GPR155: variants seen among roughly 807,000 people sequenced by gnomAD.
GPR155 encodes G protein-coupled receptor 155.
GPR155 carries 65 observed loss-of-function variants against 93.1 expected under a neutral mutation model. The observed-to-expected ratio is 0.70, with a 90% CI of 0.57 to 0.86. GPR155 has a LOEUF of 0.86. Ranked by LOEUF, GPR155 falls within the 40% of genes least tolerant of loss-of-function variation. The probability of loss-of-function intolerance (pLI) is 0.00; values close to 1 mark genes in which losing one functional copy is unlikely to be tolerated. For synonymous variants in GPR155, 319 were observed against 360.1 expected (o/e 0.89, Z 1.29); for missense variants, 838 against 1,034.8 (o/e 0.81, Z 2.61).
Position 174,481,609 on chromosome 2 carries a change from A to G in GPR155, c.348T>C (p.Ile116=), listed in dbSNP as rs536731885. The change falls in exon 2 of 16, where the codon ATT becomes ATC. Residue 116 remains isoleucine (I), a synonymous_variant. Transcript: ENST00000392552. ...CAACCAATAAGGTTAATACACATAC[A>G]ATGAAAAATACAGAAGCTTTGGCAA... ...ILIAKASVFF[I]VCVLTLLVAS... 3 of 1,613,658 alleles carry G rather than the reference A, an allele frequency of 1.9e-6. No individual in the cohort carries two copies. Among genetic ancestry groups the G allele is most frequent in the Non-Finnish European group, 2.5e-6 (3 of 1,179,578 alleles).
At chr2:174,484,738 C>T (rs1688425060) in intron 1 of GPR155, among the ~76,000 whole-genome samples, 1 of 152,206 alleles carries the variant, frequency 6.6e-6, no homozygotes, top group South Asian at 2.1e-4. Flanking sequence ...TCAGACCAGC[C>T]TGGCCAACAT....
chr2:174,457,194 C>A (rs1276070498), intron 10 of GPR155, among the ~76,000 whole-genome samples: 2 of 152,134 alleles, frequency 1.3e-5, no homozygotes, highest in African/African-American at 2.4e-5. Flanking sequence ...CACCTGTAGA[C>A]CCGGCTACTT....
At chr2:174,446,580 G>T (rs972580801) in intron 12 of GPR155, 31 bp downstream of exon 12, 27 of 1,577,568 alleles carry the variant, frequency 1.7e-5, no homozygotes, top group Non-Finnish European at 2.2e-5. Flanking sequence ...TAAAGAAATG[G>T]CCCCAAAACA....
At position 174,433,261 on chromosome 2, in the gene GPR155, T is replaced by G. The variant is rs1574683738; in HGVS notation, c.*2855A>C. 1.3e-5 allele frequency: 2 copies of G among 152,206 alleles called. No homozygotes were observed. The highest frequency in any genetic ancestry group is 2.9e-5 in the Non-Finnish European group (2 of 68,038). 9.4% of individuals were successfully genotyped at this position (152,206 alleles called of 1,614,324 possible). ...TGCTCAAAGGTCATCTAAATAGATC[T>G]CTTTAATTTACTGAAGATAAAGTTT... On this transcript the variant is annotated 3_prime_UTR_variant, in exon 16 of 16. Coordinates refer to ENST00000392552, the MANE Select transcript of GPR155 (RefSeq NM_152529.7).
At chr2:174,438,401 T>C (rs890967057) in intron 15 of GPR155, among the ~76,000 whole-genome samples, 1 of 152,170 alleles carries the variant, frequency 6.6e-6, no homozygotes, top group Non-Finnish European at 1.5e-5. Flanking sequence ...GCCCTGCAAA[T>C]TGCAAAAGCT....
At chr2:174,447,503 TATAATC>T (rs1687175108) in intron 11 of GPR155, among the ~76,000 whole-genome samples, 1 of 146,134 alleles carries the variant, frequency 6.8e-6, no homozygotes, top group African/African-American at 2.5e-5. Flanking sequence ...CAGTATATAT[TATAATC>T]ATATAAATTT....
Position 174,453,740 on chromosome 2 carries a change from T to C in GPR155, c.1873A>G (p.Lys625Glu). 1 of 1,586,352 alleles carries C rather than the reference T, an allele frequency of 6.3e-7. No homozygotes were observed. Among genetic ancestry groups the C allele is most frequent in the Non-Finnish European group, 8.7e-7 (1 of 1,154,798 alleles). The change falls in exon 11 of 16, where the codon AAA becomes GAA. Residue 625 changes from lysine to glutamate, a missense_variant. Transcript: ENST00000392552. ...TSEPVIPSFEKNNHCVSRCNS... is the reference protein window; with the variant it reads ...TSEPVIPSFEENNHCVSRCNS... ...CTCATAGTCCAGAGGCACTTACTTT[T>C]CTCAAACGAAGGAATCACAGGCTCA...
At chr2:174,467,270 C>A (rs576067215) in intron 5 of GPR155, among the ~76,000 whole-genome samples, 1 of 152,204 alleles carries the variant, frequency 6.6e-6, no homozygotes, top group African/African-American at 2.4e-5. Flanking sequence ...GAGGCCCAGA[C>A]AGGCGGATCA....
At chr2:174,452,750 A>G (rs1446442518) in intron 11 of GPR155, among the ~76,000 whole-genome samples, 2 of 152,012 alleles carry the variant, frequency 1.3e-5, no homozygotes, top group South Asian at 2.1e-4. Context: ...TGTTCAAGCA[A>G]TTCTCCTGCC....
chr2:174,441,868 G>A (rs986358912), intron 14 of GPR155, among the ~76,000 whole-genome samples: 17 of 151,872 alleles, frequency 1.1e-4, no homozygotes, highest in Admixed American at 9.9e-4. Context: ...TCAACCTCCT[G>A]AGTAGCTGGG....
intron 15 of GPR155, 119 bp downstream of exon 15, chr2:174,439,779 A>T: frequency 1.3e-6 from 1 of 758,914 alleles, no homozygotes; most frequent in South Asian, 1.8e-5. Context: ...TTACATGCAT[A>T]TGTAAAAATA....
At chr2:174,470,893 T>C (rs1187155148) in intron 3 of GPR155, among the ~76,000 whole-genome samples, 1 of 152,150 alleles carries the variant, frequency 6.6e-6, no homozygotes, top group Non-Finnish European at 1.5e-5. Context: ...CCTCTATCAG[T>C]TTACTGAAAT....
At chr2:174,454,705 A>T (rs1360792527) in intron 10 of GPR155, among the ~76,000 whole-genome samples, 2 of 141,634 alleles carry the variant, frequency 1.4e-5, no homozygotes, top group Non-Finnish European at 3.0e-5. Flanking sequence ...GAAAGGAAGG[A>T]AAGGAAAGGA....
At chr2:174,462,018 C>T (rs1042012605) in intron 7 of GPR155, among the ~76,000 whole-genome samples, 1 of 152,160 alleles carries the variant, frequency 6.6e-6, no homozygotes, top group African/African-American at 2.4e-5. Context: ...TCCCTGCAGC[C>T]TTGACCTCCA....
At chr2:174,475,991 G>A (rs1688157726) in intron 2 of GPR155, among the ~76,000 whole-genome samples, 1 of 152,096 alleles carries the variant, frequency 6.6e-6, no homozygotes, top group South Asian at 2.1e-4. Flanking sequence ...TGGCACACTA[G>A]CATTTAATCA....
intron 7 of GPR155, among the ~76,000 whole-genome samples, chr2:174,462,600 T>C (rs1259863947): frequency 1.3e-5 from 2 of 152,240 alleles, no homozygotes; most frequent in Non-Finnish European, 2.9e-5. Flanking sequence ...TAAGCCATTA[T>C]GCCCAGCTGA....
Position 174,442,149 on chromosome 2 carries a change from TTATC to T in GPR155, c.2140_2143del (p.Asp714AsnfsTer3), listed in dbSNP as rs1398008257. ...TTTGAAAGGCAGGATGATTAAATGT[TTATC>T]TAATCCAAAGATTCCAAAGGAAATA... On this transcript the variant is annotated frameshift_variant, in exon 14 of 16. Coordinates refer to ENST00000392552, the MANE Select transcript of GPR155 (RefSeq NM_152529.7). LOFTEE classifies it high-confidence loss of function. The T allele has an allele frequency of 7.2e-7, 1 of 1,397,226 alleles. No homozygotes were observed. The allele number at this position is 1,397,226 out of a possible 1,614,324, so 86.6% of individuals were successfully genotyped here.
chr2:174,461,636 C>G lies in GPR155; in HGVS notation c.1421G>C (p.Arg474Pro). The stretch of plus-strand genomic sequence containing the variant: ...TCCAACAGGAATTTGTACCCTCTCT[C>G]GCTTTTTCAAAAGAAACAAAGAAAT... Reference protein sequence around the residue: ...LAISLFLLKKRERVQIPVGII... With the variant: ...LAISLFLLKKPERVQIPVGII... Residue 474 changes from arginine (R) to proline (P), a missense_variant, in exon 8 of 16, where the codon CGA (arginine) becomes CCA (proline). Transcript: ENST00000392552. 1 of 1,610,974 alleles carries G rather than the reference C, an allele frequency of 6.2e-7. No homozygotes were observed. The highest frequency in any genetic ancestry group is 8.5e-7 in the Non-Finnish European group (1 of 1,177,270).
At chr2:174,441,361 G>C (rs1686952855) in intron 14 of GPR155, among the ~76,000 whole-genome samples, 1 of 151,420 alleles carries the variant, frequency 6.6e-6, no homozygotes, top group Non-Finnish European at 1.5e-5. Context: ...CAAAGCCTAG[G>C]ATAGGGGCAT....
Sources: gnomAD v4.1 joint callset for allele counts (sites outside exome capture counted in the v4.1 genomes callset) on GRCh38, gnomAD v4.1.1 for gene constraint, MANE v1.5 for transcripts, NCBI Gene and HGNC (gene_info 2026-07-23, HGNC 2026-07-21) for gene names.